ZNF436: variants seen among roughly 807,000 people sequenced by gnomAD.
ZNF436 encodes the protein zinc finger protein 436, also known as DNA-binding protein.
Under a neutral mutation model 41.9 loss-of-function variants are expected in ZNF436, and 22 were observed. That is an observed-to-expected ratio of 0.53 (90% confidence interval 0.38 to 0.75). The LOEUF is 0.75. Ranked by LOEUF, ZNF436 falls within the 30% of genes least tolerant of loss-of-function variation. The pLI is 0.00. For synonymous variants in ZNF436, 217 were observed against 197.8 expected (o/e 1.10, Z -0.82); for missense variants, 506 against 587.3 (o/e 0.86, Z 1.43).
chr1:23,361,671 C>A lies in ZNF436; in HGVS notation c.*298G>T. On this transcript the variant is annotated 3_prime_UTR_variant, in exon 4 of 4. Coordinates refer to ENST00000314011, the MANE Select transcript of ZNF436 (RefSeq NM_001077195.2). ...GAAAATAACATTGAAAGATTTACTC[C>A]ATTTCCAGGCCTAAGCATTCACCAG... The A allele has an allele frequency of 3.6e-6, 1 of 279,020 alleles. No homozygotes were observed. Among genetic ancestry groups the A allele is most frequent in the South Asian group, 6.1e-5 (1 of 16,390 alleles). 17.3% of individuals were successfully genotyped at this position (279,020 alleles called of 1,614,324 possible).
chr1:23,365,955 A>G (rs917189435), intron 3 of ZNF436, among the ~76,000 whole-genome samples: 2 of 150,672 alleles, frequency 1.3e-5, no homozygotes, highest in African/African-American at 4.8e-5. Context: ...TCATTTTTAA[A>G]CCCATTCCCA....
Position 23,367,936 on chromosome 1 carries a change from A to G in ZNF436, c.33+37T>C, listed in dbSNP as rs751158663. 3.1e-6 allele frequency: 5 copies of G among 1,612,604 alleles called. No individual in the cohort carries two copies. In the East Asian group the frequency reaches 1.1e-4, roughly 36 times the overall value. Reference sequence around the variant, plus strand: ...AGAGAAACGCCGGACGAGGTGGGTAAGCAGAGACAAGGTCTGAGAAGCCAC... The same window carrying G: ...AGAGAAACGCCGGACGAGGTGGGTAGGCAGAGACAAGGTCTGAGAAGCCAC... On this transcript the variant is annotated intron_variant, in intron 2 of 3. Coordinates refer to ENST00000314011, the MANE Select transcript of ZNF436 (RefSeq NM_001077195.2).
Position 23,369,619 on chromosome 1 carries a change from C to T in ZNF436, c.-314G>A, listed in dbSNP as rs1012934844. ...AGACTCGCAGGCAGCTCAGAAACCA[C>T]AGGCTCATAGGCAGATCCCTGAGAC... On this transcript the variant is annotated 5_prime_UTR_variant, in exon 1 of 4. The change creates a new upstream start codon in the 5' untranslated region. Coordinates refer to ENST00000314011, the MANE Select transcript of ZNF436 (RefSeq NM_001077195.2). 3.8e-6 allele frequency: 2 copies of T among 528,988 alleles called. No homozygotes were observed. Among genetic ancestry groups the T allele is most frequent in the Non-Finnish European group, 7.8e-6 (2 of 255,664 alleles). The allele number at this position is 528,988 out of a possible 1,614,324, so 32.8% of individuals were successfully genotyped here.
At position 23,369,484 on chromosome 1, in the gene ZNF436, G is replaced by A. The variant is rs776343985; in HGVS notation, c.-179C>T. The stretch of plus-strand genomic sequence containing the variant: ...CGTTCAGGAAGATTCTAGAGAGCAC[G>A]GGCAGGTCCCGGAGGTCTCAGACCC... On this transcript the variant is annotated 5_prime_UTR_variant, in exon 1 of 4. Transcript: ENST00000314011. 24 of 531,992 alleles carry A rather than the reference G, an allele frequency of 4.5e-5. No individual in the cohort carries two copies. The highest frequency in any genetic ancestry group is 8.5e-5 in the Non-Finnish European group (22 of 257,852). 33.0% of individuals were successfully genotyped at this position (531,992 alleles called of 1,614,324 possible). A position where few individuals can be genotyped will look rare whatever the true frequency, so the allele number is the denominator to read the frequency against.
At chr1:23,364,826 C>T (rs527287439) in intron 3 of ZNF436, among the ~76,000 whole-genome samples, 1 of 152,300 alleles carries the variant, frequency 6.6e-6, no homozygotes, top group South Asian at 2.1e-4. Context: ...GTACACTCTT[C>T]AGAAAGAAAG....
rs1646980882 is a variant in ZNF436 at position 23,359,663 on chromosome 1, G to C, written c.*2306C>G. ...GGCATGCAAAAAGCATTAGTGAAGG[G>C]AGTCTGATGCATGAGTTCTATACAA... On this transcript the variant is annotated 3_prime_UTR_variant, in exon 4 of 4. Coordinates refer to ENST00000314011, the MANE Select transcript of ZNF436 (RefSeq NM_001077195.2). The C allele has an allele frequency of 6.6e-6, 1 of 152,642 alleles. No homozygotes were observed. The allele number at this position is 152,642 out of a possible 1,614,324, so 9.5% of individuals were successfully genotyped here.
intron 3 of ZNF436, among the ~76,000 whole-genome samples, chr1:23,366,658 G>A (rs529440130): frequency 1.3e-5 from 2 of 152,298 alleles, no homozygotes; most frequent in East Asian, 3.9e-4. Context: ...GGTGGCTTTC[G>A]CCCTCCCATG....
chr1:23,367,469 T>C (rs146722578), intron 2 of ZNF436, among the ~76,000 whole-genome samples: 35 of 152,328 alleles, frequency 2.3e-4, no homozygotes, highest in Admixed American at 4.6e-4. Context: ...CCTCTTTTCC[T>C]GGAATATTCT....
At chr1:23,367,905 C>G in intron 2 of ZNF436, 68 bp downstream of exon 2, 1 of 1,570,794 alleles carries the variant, frequency 6.4e-7, no homozygotes, top group Non-Finnish European at 8.7e-7. Flanking sequence ...CAGGGACTTG[C>G]AGAGCAGAGA....
In ZNF436 at chr1:23,369,386, C is replaced by A; in HGVS notation, c.-81G>T. 1 of 534,682 alleles carries A rather than the reference C, an allele frequency of 1.9e-6. No homozygotes were observed. Among genetic ancestry groups the A allele is most frequent in the Non-Finnish European group, 3.8e-6 (1 of 260,040 alleles). 33.1% of individuals were successfully genotyped at this position (534,682 alleles called of 1,614,324 possible). A position where few individuals can be genotyped will look rare whatever the true frequency, so the allele number is the denominator to read the frequency against. Reference sequence around the variant, plus strand: ...CTTACCTCCTGTCCCGCAAAAGATCCACTAGATCGTCGTCTCCAAAACCTG... The same window carrying A: ...CTTACCTCCTGTCCCGCAAAAGATCAACTAGATCGTCGTCTCCAAAACCTG... On this transcript the variant is annotated 5_prime_UTR_variant, in exon 1 of 4. Coordinates refer to ENST00000314011, the MANE Select transcript of ZNF436 (RefSeq NM_001077195.2).
At position 23,359,898 on chromosome 1, in the gene ZNF436, T is replaced by A. The variant is rs1646982875; in HGVS notation, c.*2071A>T. 6.6e-6 allele frequency: 1 copy of A among 152,074 alleles called. No individual in the cohort carries two copies. The allele number at this position is 152,074 out of a possible 1,614,324, so 9.4% of individuals were successfully genotyped here. A position where few individuals can be genotyped will look rare whatever the true frequency, so the allele number is the denominator to read the frequency against. On this transcript the variant is annotated 3_prime_UTR_variant, in exon 4 of 4. Coordinates refer to ENST00000314011, the MANE Select transcript of ZNF436 (RefSeq NM_001077195.2). ...AGAACAGTAGGGAAGGAAAAGGGGG[T>A]GAAATACAGTTAGGTCATGGAAATG...
intron 1 of ZNF436, chr1:23,369,007 C>G (rs1028918123): frequency 6.1e-6 from 1 of 163,182 alleles, no homozygotes; most frequent in Non-Finnish European, 1.4e-5. Flanking sequence ...CTGGCGGTGT[C>G]TTGGCTTCGG....
rs3795308 is a variant in ZNF436 at position 23,362,590 on chromosome 1, G to A, written c.792C>T (p.His264=). 136,309 of 1,609,674 alleles carry A rather than the reference G, an allele frequency of 0.085. 7,991 individuals are homozygous for A. Among genetic ancestry groups the A allele is most frequent in the South Asian group, 0.24 (21,469 of 90,884 alleles). Residue 264 remains histidine (H), a synonymous_variant, in exon 4 of 4, where the codon CAC becomes CAT. Transcript: ENST00000314011. ...ECGKSFSRSS[H]LAQHQRTHTG... ...TGTGGGTCCTCTGGTGCTGAGCTAG[G>A]TGAGAGCTCCGGCTGAAGCTTTTCC...
At position 23,360,949 on chromosome 1, in the gene ZNF436, T is replaced by C. The variant is rs887082726; in HGVS notation, c.*1020A>G. On this transcript the variant is annotated 3_prime_UTR_variant, in exon 4 of 4. Coordinates refer to ENST00000314011, the MANE Select transcript of ZNF436 (RefSeq NM_001077195.2). Reference sequence around the variant, plus strand: ...GAAAAACCACAGGAATACACATTACTGTACATACACATGCCCTGATGCAAG... The same window carrying C: ...GAAAAACCACAGGAATACACATTACCGTACATACACATGCCCTGATGCAAG... 2.6e-5 allele frequency: 4 copies of C among 152,662 alleles called. No homozygotes were observed. The highest frequency in any genetic ancestry group is 5.9e-5 in the Non-Finnish European group (4 of 68,040). The allele number at this position is 152,662 out of a possible 1,614,324, so 9.5% of individuals were successfully genotyped here. A position where few individuals can be genotyped will look rare whatever the true frequency, so the allele number is the denominator to read the frequency against.
rs1004369336 is a variant in ZNF436 at position 23,360,466 on chromosome 1, T to C, written c.*1503A>G. On this transcript the variant is annotated 3_prime_UTR_variant, in exon 4 of 4. Transcript: ENST00000314011. Reference sequence around the variant, plus strand: ...CCAATTCCCTTCCACCCCAACATGCTTGGATAGCATCAACACTTGAGATAT... The same window carrying C: ...CCAATTCCCTTCCACCCCAACATGCCTGGATAGCATCAACACTTGAGATAT... 2.0e-5 allele frequency: 3 copies of C among 152,230 alleles called. No homozygotes were observed. The highest frequency in any genetic ancestry group is 2.0e-4 in the Admixed American group (3 of 15,286). The allele number at this position is 152,230 out of a possible 1,614,324, so 9.4% of individuals were successfully genotyped here.
chr1:23,369,347 G>T lies in ZNF436; in HGVS notation c.-61+19C>A, dbSNP rs140938404. 7.1e-5 allele frequency: 38 copies of T among 532,162 alleles called. No homozygotes were observed. Among genetic ancestry groups the T allele is most frequent in the South Asian group, 1.4e-4 (10 of 71,532 alleles). 33.0% of individuals were successfully genotyped at this position (532,162 alleles called of 1,614,324 possible). ...AAGGTAGGAAGCCGAAAACCCGAGT[G>T]GGGGACGAACAGACTTACCTCCTGT... On this transcript the variant is annotated intron_variant, in intron 1 of 3. Coordinates refer to ENST00000314011, the MANE Select transcript of ZNF436 (RefSeq NM_001077195.2).
chr1:23,367,899 G>T lies in ZNF436; in HGVS notation c.33+74C>A. 5.8e-6 allele frequency: 9 copies of T among 1,542,580 alleles called. 1 individual carries two copies. In the South Asian group the frequency reaches 1.0e-4, roughly 17 times the overall value. On this transcript the variant is annotated intron_variant, in intron 2 of 3. Transcript: ENST00000314011. Reference sequence around the variant, plus strand: ...CTAATCCCAGGGAATTTCCCACAGGGACTTGCAGAGCAGAGAAACGCCGGA... The same window carrying T: ...CTAATCCCAGGGAATTTCCCACAGGTACTTGCAGAGCAGAGAAACGCCGGA...
At position 23,359,671 on chromosome 1, in the gene ZNF436, T is replaced by C. The variant is rs929485180; in HGVS notation, c.*2298A>G. The C allele has an allele frequency of 1.3e-5, 2 of 152,634 alleles. No homozygotes were observed. Among genetic ancestry groups the C allele is most frequent in the African/African-American group, 4.8e-5 (2 of 41,428 alleles). The allele number at this position is 152,634 out of a possible 1,614,324, so 9.5% of individuals were successfully genotyped here. A position where few individuals can be genotyped will look rare whatever the true frequency, so the allele number is the denominator to read the frequency against. On this transcript the variant is annotated 3_prime_UTR_variant, in exon 4 of 4. Coordinates refer to ENST00000314011, the MANE Select transcript of ZNF436 (RefSeq NM_001077195.2). ...AAAAGCATTAGTGAAGGGAGTCTGATGCATGAGTTCTATACAAAGTTCAAC... is the reference window on the plus strand; with the variant it reads ...AAAAGCATTAGTGAAGGGAGTCTGACGCATGAGTTCTATACAAAGTTCAAC...
Position 23,367,121 on chromosome 1 carries a change from T to G in ZNF436, c.81A>C (p.Glu27Asp). The change falls in exon 3 of 4, where the codon GAA (glutamate) becomes GAC (aspartate). Residue 27 changes from glutamate (E) to aspartate (D), a missense_variant. By Grantham distance (45) the Glu-to-Asp change is conservative. Transcript: ENST00000314011. ...EDMAMYLTREEWRPLDAAQRD... is the reference protein window; with the variant it reads ...EDMAMYLTREDWRPLDAAQRD... ...TCTGTGCAGCGTCCAGAGGTCTCCA[T>G]TCTTCCCGGGTGAGATACATGGCCA... 1 of 1,613,622 alleles carries G rather than the reference T, an allele frequency of 6.2e-7. No homozygotes were observed. The highest frequency in any genetic ancestry group is 1.7e-4 in the Middle Eastern group (1 of 6,060).
Sources: allele counts gnomAD v4.1 joint callset (sites outside exome capture counted in the v4.1 genomes callset), GRCh38; gene constraint gnomAD v4.1.1; transcripts MANE v1.5; gene names NCBI Gene and HGNC (gene_info 2026-07-23, HGNC 2026-07-21).